USP6NL: variants seen among roughly 807,000 people sequenced by gnomAD.
The protein encoded by USP6NL is USP6 N-terminal like.
A neutral mutation model predicts 61.9 loss-of-function variants in USP6NL; 26 were observed. The ratio of observed to expected loss-of-function variants is 0.42; its 90% confidence interval spans 0.31 to 0.58. The LOEUF is 0.58. USP6NL is among the 20% of genes least tolerant of loss of function. USP6NL has a pLI of 0.16. For synonymous variants in USP6NL, 432 were observed against 390.1 expected (o/e 1.11, Z -1.27); for missense variants, 1,114 against 1,034.3 (o/e 1.08, Z -1.06).
rs1555173666 is a variant in USP6NL, at chr10:11,579,960, T to TGC, written c.4+17670_4+17671insGC. Among the ~76,000 whole-genome samples the TGC allele has an allele frequency of 3.3e-3, 325 of 97,964 alleles. 14 individuals carry two copies. The highest frequency in any genetic ancestry group is 0.016 in the East Asian group (41 of 2,556). The allele number at this position is 97,964 out of a possible 152,430, so 64.3% of individuals were successfully genotyped here. On this transcript the variant is annotated intron_variant, in intron 2 of 14. Coordinates refer to ENST00000609104, the MANE Select transcript of USP6NL (RefSeq NM_014688.5). ...CAGATTACAAACCACCAGTGGAGAG[T>TGC]GGCGGGGGGGGGGCAGCAACGTCTA...
At chr10:11,555,467 G>GAT (rs1555171122) in intron 2 of USP6NL, among the ~76,000 whole-genome samples, 1 of 89,316 alleles carries the variant, frequency 1.1e-5, no homozygotes, top group African/African-American at 4.4e-5. Flanking sequence ...GAGAGAGAGA[G>GAT]AGAAAGAGAG....
chr10:11,519,408 T>C (rs1292665695), intron 4 of USP6NL, among the ~76,000 whole-genome samples: 1 of 152,206 alleles, frequency 6.6e-6, no homozygotes, highest in Non-Finnish European at 1.5e-5. Context: ...GGCAGGTGGA[T>C]CACCTGAGGT....
At position 11,490,743 on chromosome 10, in the gene USP6NL, G is replaced by T; in HGVS notation, c.543+89C>A. ...GACCATGGAGACCACCTAGCTCTGA[G>T]ATGCAGAAATGTGCCCACAGGGCCC... is the stretch of plus-strand genomic sequence containing the variant. On this transcript the variant is annotated intron_variant, in intron 9 of 14. Coordinates refer to ENST00000609104, the MANE Select transcript of USP6NL (RefSeq NM_014688.5). The surrounding 1 kb of genome is among the most constrained non-coding windows in gnomAD (Gnocchi z 4.5). 1 of 1,299,348 alleles carries T rather than the reference G, an allele frequency of 7.7e-7. No individual in the cohort carries two copies. Among genetic ancestry groups the T allele is most frequent in the Non-Finnish European group, 1.1e-6 (1 of 939,984 alleles). 80.5% of individuals were successfully genotyped at this position (1,299,348 alleles called of 1,614,324 possible). A position where few individuals can be genotyped will look rare whatever the true frequency, so the allele number is the denominator to read the frequency against.
At chr10:11,502,425 T>C (rs1046445545) in intron 6 of USP6NL, among the ~76,000 whole-genome samples, 2 of 152,220 alleles carry the variant, frequency 1.3e-5, no homozygotes, top group African/African-American at 4.8e-5. Context: ...ATTACGGTCA[T>C]CACAATGTTG....
rs149191656 is a variant in USP6NL at position 11,484,479 on chromosome 10, G to A, written c.925+492C>T. On this transcript the variant is annotated intron_variant, in intron 13 of 14. Coordinates refer to ENST00000609104, the MANE Select transcript of USP6NL (RefSeq NM_014688.5). ...GCCCCAGAGGCCATAATGCACTGAG[G>A]TAGAGAAGTGGGTCTGTGTGCTCCC... 2.6e-5 allele frequency among the ~76,000 whole-genome samples: 4 copies of A among 151,866 alleles called. No homozygotes were observed. In the East Asian group the frequency reaches 7.7e-4, roughly 29 times the overall value.
chr10:11,600,247 G>A lies in USP6NL; in HGVS notation c.-83-2530C>T, dbSNP rs779887697. On this transcript the variant is annotated intron_variant, in intron 1 of 14. Transcript: ENST00000609104. The surrounding 1 kb of genome is among the most constrained non-coding windows in gnomAD (Gnocchi z 4.1). The stretch of plus-strand genomic sequence containing the variant: ...TTCCAGGTACTCTAAGTCTAAGGGC[G>A]TGGCCATATGACTTGCTGGAATGGT... 5.9e-5 allele frequency among the ~76,000 whole-genome samples: 9 copies of A among 152,158 alleles called. No individual in the cohort carries two copies. Among genetic ancestry groups the A allele is most frequent in the Non-Finnish European group, 5.9e-5 (4 of 68,030 alleles).
intron 2 of USP6NL, among the ~76,000 whole-genome samples, chr10:11,545,654 A>G (rs1591912100): frequency 6.6e-6 from 1 of 151,676 alleles, no homozygotes; most frequent in East Asian, 1.9e-4. Flanking sequence ...AGTAACAAAA[A>G]TTTACAGGAG....
At chr10:11,519,677 AAAAT>A (rs1389844891) in intron 4 of USP6NL, among the ~76,000 whole-genome samples, 1 of 152,184 alleles carries the variant, frequency 6.6e-6, no homozygotes, top group African/African-American at 2.4e-5. Flanking sequence ...CTTCACTGTC[AAAAT>A]TTCAAGAGAT....
intron 2 of USP6NL, among the ~76,000 whole-genome samples, chr10:11,536,575 G>A (rs564485192): frequency 6.2e-4 from 95 of 152,194 alleles, no homozygotes; most frequent in South Asian, 2.3e-3. Context: ...TTAAAAACCC[G>A]CTTGTAACTG....
At chr10:11,556,022 C>T (rs1353183014) in intron 2 of USP6NL, among the ~76,000 whole-genome samples, 1 of 152,072 alleles carries the variant, frequency 6.6e-6, no homozygotes, top group Non-Finnish European at 1.5e-5. Context: ...AGCAGAAAAA[C>T]ACGAGCCTTG....
rs1297710268 is a variant in USP6NL at position 11,561,949 on chromosome 10, C to T, written c.5-34382G>A. Among the ~76,000 whole-genome samples, 1 of 152,312 alleles carries T rather than the reference C, an allele frequency of 6.6e-6. No homozygotes were observed. The highest frequency in any genetic ancestry group is 2.1e-4 in the South Asian group (1 of 4,824). ...TGTAATTTCCTATCCAGTATTCTCT[C>T]ATCTTCCTAAAAGAATGCCAGATCT... On this transcript the variant is annotated intron_variant, in intron 2 of 14. Transcript: ENST00000609104. This position sits in a 1 kb window ranked among gnomAD's most constrained non-coding sequence, Gnocchi z 4.1.
intron 14 of USP6NL, among the ~76,000 whole-genome samples, chr10:11,466,079 T>C (rs766710305): frequency 5.9e-5 from 9 of 152,232 alleles, no homozygotes; most frequent in Non-Finnish European, 1.3e-4. Context: ...TTCCAATACT[T>C]TGCAGATTTC....
chr10:11,516,567 T>A (rs1253096015), intron 5 of USP6NL, among the ~76,000 whole-genome samples: 1 of 152,144 alleles, frequency 6.6e-6, no homozygotes, highest in Non-Finnish European at 1.5e-5. Flanking sequence ...TAAGTTCTCA[T>A]TCCACTTTAA....
chr10:11,572,336 G>A (rs536314362), intron 2 of USP6NL, among the ~76,000 whole-genome samples: 3 of 152,074 alleles, frequency 2.0e-5, no homozygotes, highest in South Asian at 4.1e-4. Flanking sequence ...TTCAGAAGGG[G>A]AGCAGAAATA....
intron 2 of USP6NL, among the ~76,000 whole-genome samples, chr10:11,588,106 A>G (rs1406148620): frequency 2.0e-5 from 3 of 152,192 alleles, no homozygotes. Context: ...CCATCATCTG[A>G]GGAATAGTCT....
intron 4 of USP6NL, among the ~76,000 whole-genome samples, chr10:11,524,477 G>A (rs1835342087): frequency 6.6e-6 from 1 of 152,090 alleles, no homozygotes. Flanking sequence ...CTCCAGCTCT[G>A]GGAACTGTTT....
At chr10:11,570,717 C>A (rs1341316875) in intron 2 of USP6NL, among the ~76,000 whole-genome samples, 1 of 152,170 alleles carries the variant, frequency 6.6e-6, no homozygotes, top group Non-Finnish European at 1.5e-5. Context: ...TACATTTACG[C>A]CTTACACACA....
At position 11,528,224 on chromosome 10, in the gene USP6NL, C is replaced by T. The variant is rs775252479; in HGVS notation, c.5-657G>A. Among the ~76,000 whole-genome samples the T allele has an allele frequency of 1.3e-5, 2 of 150,094 alleles. No homozygotes were observed. The highest frequency in any genetic ancestry group is 3.0e-5 in the Non-Finnish European group (2 of 67,750). On this transcript the variant is annotated intron_variant, in intron 2 of 14. Transcript: ENST00000609104. The surrounding 1 kb of genome is among the most constrained non-coding windows in gnomAD (Gnocchi z 4.6). ...TAAATCTGACAACAAAAGTCGAGAT[C>T]ATAACATGAAATAGTATGAATATAT...
At chr10:11,563,126 C>T (rs1414544628) in intron 2 of USP6NL, 1 of 152,060 alleles carries the variant, frequency 6.6e-6, no homozygotes, top group Non-Finnish European at 1.5e-5. Context: ...AAGAGACAAA[C>T]CATTGATACA....
Sources: allele counts gnomAD v4.1 joint callset (sites outside exome capture counted in the v4.1 genomes callset), GRCh38; gene constraint gnomAD v4.1.1; non-coding constraint Gnocchi (gnomAD v3.1); transcripts MANE v1.5; gene names NCBI Gene and HGNC (gene_info 2026-07-23, HGNC 2026-07-21).